Variants in SNUPN observed in about 807,000 individuals in gnomAD.
SNUPN encodes the protein snurportin-1.
A neutral mutation model predicts 39.2 loss-of-function variants in SNUPN; 31 were observed. The ratio of observed to expected loss-of-function variants is 0.79; its 90% CI spans 0.59 to 1.07. The LOEUF is 1.07. Ranked by LOEUF, SNUPN falls within the 50% of genes least tolerant of loss-of-function variation. The pLI, the probability that SNUPN is intolerant of heterozygous loss-of-function variation, is 0.00. For missense variants in SNUPN, 382 were observed against 434.2 expected (o/e 0.88, Z 1.07); for synonymous variants, 132 against 159.0 (o/e 0.83, Z 1.28).
intron 3 of SNUPN, among the ~76,000 whole-genome samples, chr15:75,611,495 G>A (rs1461123462): frequency 2.0e-5 from 3 of 151,264 alleles, no homozygotes; most frequent in African/African-American, 4.8e-5. Flanking sequence ...CTCGTGATCC[G>A]CCCGCCTCGG....
chr15:75,605,147 T>G lies in SNUPN; in HGVS notation c.678+3A>C. Reference sequence around the variant, plus strand: ...ACTCAGTGATCCTAACACCAGGCCTTACAGGATTAAGCTTGGTTTTCTCTC... The same window carrying G: ...ACTCAGTGATCCTAACACCAGGCCTGACAGGATTAAGCTTGGTTTTCTCTC... On this transcript the variant is annotated splice_donor_region_variant and intron_variant, in intron 7 of 8. Coordinates refer to ENST00000308588, the MANE Select transcript of SNUPN (RefSeq NM_005701.4). 6.2e-7 allele frequency: 1 copy of G among 1,603,446 alleles called. No homozygotes were observed. Among genetic ancestry groups the G allele is most frequent in the Non-Finnish European group, 8.5e-7 (1 of 1,170,562 alleles).
At chr15:75,626,424 A>AT (rs1193548049), upstream of SNUPN, 4 of 152,204 alleles carry the variant, frequency 2.6e-5, no homozygotes, top group African/African-American at 9.7e-5. Context: ...AGCGGCAGAG[A>AT]TTTAGGAGAT....
At chr15:75,617,646 A>G in intron 2 of SNUPN, 94 bp from the exon 3 acceptor site, 1 of 1,385,168 alleles carries the variant, frequency 7.2e-7, no homozygotes, top group Non-Finnish European at 9.7e-7. Context: ...GAATGGTGCA[A>G]TCTCAGCTCA....
In SNUPN at chr15:75,605,145, C is replaced by A. The variant is rs2075321324; in HGVS notation, c.678+5G>T. The A allele has an allele frequency of 6.2e-7, 1 of 1,601,596 alleles. No homozygotes were observed. Among genetic ancestry groups the A allele is most frequent in the Non-Finnish European group, 8.6e-7 (1 of 1,168,938 alleles). ...GAACTCAGTGATCCTAACACCAGGC[C>A]TTACAGGATTAAGCTTGGTTTTCTC... On this transcript the variant is annotated splice_donor_5th_base_variant and intron_variant, in intron 7 of 8. Coordinates refer to ENST00000308588, the MANE Select transcript of SNUPN (RefSeq NM_005701.4).
Position 75,612,764 on chromosome 15 carries a change from T to C in SNUPN, c.304-2770A>G, listed in dbSNP as rs577884384. Among the ~76,000 whole-genome samples, 7 of 152,182 alleles carry C rather than the reference T, an allele frequency of 4.6e-5. No individual in the cohort carries two copies. In the East Asian group the frequency reaches 9.7e-4, roughly 21 times the overall value. The stretch of plus-strand genomic sequence containing the variant: ...ACCCCTGAAACACCTACCCTTCCCT[T>C]CTGCGTCTCATAACCTTGTTAATGG... On this transcript the variant is annotated intron_variant, in intron 3 of 8. Coordinates refer to ENST00000308588, the MANE Select transcript of SNUPN (RefSeq NM_005701.4).
chr15:75,622,360 G>A, intron 1 of SNUPN: 1 of 985,454 alleles, frequency 1.0e-6, no homozygotes, highest in Non-Finnish European at 1.2e-6. Context: ...GAGCTAGGAT[G>A]TGGAAGGCTG....
intron 2 of SNUPN, among the ~76,000 whole-genome samples, chr15:75,620,681 G>C (rs953674050): frequency 6.6e-6 from 1 of 152,066 alleles, no homozygotes; most frequent in Non-Finnish European, 1.5e-5. Context: ...TTCAAACTTC[G>C]GTGTCTCCCT....
intron 6 of SNUPN, among the ~76,000 whole-genome samples, chr15:75,606,421 T>C (rs2075331500): frequency 6.6e-6 from 1 of 151,978 alleles, no homozygotes; most frequent in South Asian, 2.1e-4. Context: ...TACAACGTTC[T>C]GATATGCCTG....
In SNUPN at chr15:75,605,375, C is replaced by T. The variant is rs527561956; in HGVS notation, c.601-148G>A. On this transcript the variant is annotated intron_variant, in intron 6 of 8. Transcript: ENST00000308588. ...AGGCTGGAGTGCAATGGTACAGTCTCGGCTCACTGTAACCTCCGCCTCCCA... is the reference window on the plus strand; with the variant it reads ...AGGCTGGAGTGCAATGGTACAGTCTTGGCTCACTGTAACCTCCGCCTCCCA... The T allele has an allele frequency of 1.7e-4, 84 of 485,138 alleles. 1 individual carries two copies. The South Asian group carries it at 1.8e-3, about 10-fold the overall frequency. 30.1% of individuals were successfully genotyped at this position (485,138 alleles called of 1,614,324 possible). A position where few individuals can be genotyped will look rare whatever the true frequency, so the allele number is the denominator to read the frequency against.
At chr15:75,622,262 G>A (rs1044946651) in intron 1 of SNUPN, 2 of 669,684 alleles carry the variant, frequency 3.0e-6, no homozygotes, top group African/African-American at 2.0e-5. Flanking sequence ...AAATCTGATT[G>A]TTACTTCCTC....
rs771154223 is a variant in SNUPN, at chr15:75,598,418, A to G, written c.1023T>C (p.Thr341=). 43 of 1,614,078 alleles carry G rather than the reference A, an allele frequency of 2.7e-5. No individual in the cohort carries two copies. Among genetic ancestry groups the G allele is most frequent in the Non-Finnish European group, 3.6e-5 (42 of 1,180,038 alleles). The part of the protein sequence containing the change: ...NGHYELEHLS[T]PKLKGSSHSP... ...TATGGGAAGAACCCTTCAACTTGGG[A>G]GTAGACAGGTGCTCCAATTCATAGT... The change falls in exon 9 of 9, where the codon ACT becomes ACC. Residue 341 remains threonine (T), a synonymous_variant. Transcript: ENST00000308588.
At chr15:75,599,965 C>T (rs549259320) in intron 8 of SNUPN, among the ~76,000 whole-genome samples, 39 of 152,034 alleles carry the variant, frequency 2.6e-4, no homozygotes, top group Admixed American at 1.8e-3. Flanking sequence ...CCTGCCTCAA[C>T]TTCCCAAGTA....
chr15:75,624,681 A>G, intron 1 of SNUPN: 4 of 1,187,762 alleles, frequency 3.4e-6, no homozygotes, highest in Non-Finnish European at 4.3e-6. Context: ...AAAAAGAAAA[A>G]CTGATGTCCT....
chr15:75,605,712 G>A (rs1246309089), intron 6 of SNUPN, among the ~76,000 whole-genome samples: 1 of 152,164 alleles, frequency 6.6e-6, no homozygotes, highest in African/African-American at 2.4e-5. Flanking sequence ...TTTGTAGGTT[G>A]TGAATACATG....
At chr15:75,606,339 A>C (rs2075331006) in intron 6 of SNUPN, among the ~76,000 whole-genome samples, 1 of 152,152 alleles carries the variant, frequency 6.6e-6, no homozygotes, top group Non-Finnish European at 1.5e-5. Flanking sequence ...GCTTAGAAAG[A>C]AGCAGCCTAT....
At position 75,609,887 on chromosome 15, in the gene SNUPN, C is replaced by T; in HGVS notation, c.408+3G>A. ...CTGGCATAGGGGGCAGGCAGCTACT[C>T]ACCCTGGAGGCCACGATAAGGGCTC... On this transcript the variant is annotated splice_donor_region_variant and intron_variant, in intron 4 of 8. Transcript: ENST00000308588. 6.2e-7 allele frequency: 1 copy of T among 1,610,916 alleles called. No homozygotes were observed. The highest frequency in any genetic ancestry group is 2.2e-5 in the East Asian group (1 of 44,876).
chr15:75,600,933 T>C (rs539336397), intron 8 of SNUPN: 2 of 500,706 alleles, frequency 4.0e-6, no homozygotes, highest in African/African-American at 3.9e-5. Context: ...TTAAGGGCCC[T>C]TCCAGTGCCA....
chr15:75,622,437 A>T (rs1893096151), intron 1 of SNUPN: 1 of 985,212 alleles, frequency 1.0e-6, no homozygotes, highest in Non-Finnish European at 1.2e-6. Flanking sequence ...GGGAAACAAG[A>T]CAGGCATGGA....
At chr15:75,610,023 T>A in intron 3 of SNUPN, 29 bp from the exon 4 acceptor site, 2 of 1,532,650 alleles carry the variant, frequency 1.3e-6, no homozygotes, top group Non-Finnish European at 1.8e-6. Flanking sequence ...GTGTTAAAGA[T>A]CAGCAGGGGT....
Sources: gnomAD v4.1 joint callset for allele counts (sites outside exome capture counted in the v4.1 genomes callset) on GRCh38, gnomAD v4.1.1 for gene constraint, MANE v1.5 for transcripts, NCBI Gene and HGNC (gene_info 2026-07-23, HGNC 2026-07-21) for gene names.